PPP2R2C: variants seen among roughly 807,000 people sequenced by gnomAD.
PPP2R2C encodes protein phosphatase 2 regulatory subunit Bgamma, also known as protein phosphatase 2, regulatory subunit B, gamma.
A neutral mutation model predicts 45.3 loss-of-function variants in PPP2R2C; 10 were observed. That is an observed-to-expected ratio of 0.22 (90% CI 0.14 to 0.37). The LOEUF is 0.37. Ranked by LOEUF, PPP2R2C falls within the 10% of genes least tolerant of loss-of-function variation. The pLI, the probability that PPP2R2C is intolerant of heterozygous loss-of-function variation, is 1.00. For missense variants in PPP2R2C, 308 were observed against 619.7 expected (o/e 0.50, Z 5.34); for synonymous variants, 257 against 245.4 (o/e 1.05, Z -0.44).
intron 1 of PPP2R2C, among the ~76,000 whole-genome samples, chr4:6,464,839 C>T (rs1359772699): frequency 7.0e-6 from 1 of 142,128 alleles, no homozygotes; most frequent in Non-Finnish European, 1.5e-5. Flanking sequence ...AAATGGTGTT[C>T]ATTCCTGCAG....
chr4:6,458,604 T>C (rs900816986), intron 1 of PPP2R2C, among the ~76,000 whole-genome samples: 8 of 152,164 alleles, frequency 5.3e-5, no homozygotes, highest in Admixed American at 3.3e-4. Context: ...ATTCAGATCA[T>C]AGCAGGAAGG....
chr4:6,446,951 G>T (rs890467149), intron 1 of PPP2R2C, among the ~76,000 whole-genome samples: 2 of 152,066 alleles, frequency 1.3e-5, no homozygotes, highest in African/African-American at 4.8e-5. Flanking sequence ...AGAGGCGAAG[G>T]GGTGCTGGGC....
chr4:6,477,869 C>T (rs1449398811), intron 2 of PPP2R2C, among the ~76,000 whole-genome samples: 5 of 152,070 alleles, frequency 3.3e-5, no homozygotes, highest in Non-Finnish European at 7.4e-5. Flanking sequence ...TGCACTCACA[C>T]AGAGCTCTCC....
chr4:6,430,924 CAAA>C, intron 1 of PPP2R2C, among the ~76,000 whole-genome samples: 2 of 102,566 alleles, frequency 1.9e-5, no homozygotes, highest in African/African-American at 7.7e-5. Context: ...GACTCTGTCT[CAAA>C]AAAACAACAA....
At chr4:6,342,078 C>T (rs574431535) in intron 6 of PPP2R2C, among the ~76,000 whole-genome samples, 165 of 115,182 alleles carry the variant, frequency 1.4e-3, no homozygotes, top group Non-Finnish European at 2.3e-3. Flanking sequence ...AGATCTGCCA[C>T]GATACACACA....
At chr4:6,403,731 T>C (rs1427900756) in intron 1 of PPP2R2C, among the ~76,000 whole-genome samples, 4 of 151,968 alleles carry the variant, frequency 2.6e-5, no homozygotes, top group Non-Finnish European at 1.5e-5. Context: ...GGCGTGGTGG[T>C]GGGTGCCTGT....
chr4:6,455,046 A>T (rs570716851), intron 1 of PPP2R2C, among the ~76,000 whole-genome samples: 1 of 94,894 alleles, frequency 1.1e-5, no homozygotes, highest in Non-Finnish European at 2.0e-5. Context: ...ACACAGCACA[A>T]GTCACCTAGT....
chr4:6,506,800 G>A (rs957871027), intron 2 of PPP2R2C, among the ~76,000 whole-genome samples: 3 of 152,202 alleles, frequency 2.0e-5, no homozygotes, highest in Non-Finnish European at 2.9e-5. Context: ...AACTGGGCTG[G>A]ATGTCCAAGA....
chr4:6,342,081 TACACACACACAC>T (rs58305750), intron 6 of PPP2R2C, among the ~76,000 whole-genome samples: 3,855 of 139,704 alleles, frequency 0.028, 116 homozygotes, highest in African/African-American at 0.078. Context: ...TCTGCCACGA[TACACACACACAC>T]ACACACACAC....
chr4:6,370,383 C>T (rs1714705106), intron 5 of PPP2R2C, among the ~76,000 whole-genome samples: 1 of 152,194 alleles, frequency 6.6e-6, no homozygotes, highest in South Asian at 2.1e-4. Flanking sequence ...CTCAGTGAGC[C>T]CCACACCCTC....
intron 1 of PPP2R2C, among the ~76,000 whole-genome samples, chr4:6,447,654 C>T (rs1577190040): frequency 6.6e-6 from 1 of 152,028 alleles, no homozygotes; most frequent in South Asian, 2.1e-4. Context: ...AAACTGGCAA[C>T]CACATCTGTA....
chr4:6,561,023 T>A (rs1356416340), intron 1 of PPP2R2C, among the ~76,000 whole-genome samples: 1 of 152,204 alleles, frequency 6.6e-6, no homozygotes, highest in Admixed American at 6.5e-5. Context: ...CCCCAGTGCA[T>A]CCTGGGGTGG....
At chr4:6,357,717 T>C (rs1039940850) in intron 5 of PPP2R2C, among the ~76,000 whole-genome samples, 2 of 152,166 alleles carry the variant, frequency 1.3e-5, no homozygotes, top group South Asian at 4.1e-4. Context: ...AAGGAGCTCC[T>C]CACCCTGGTG....
At position 6,439,409 on chromosome 4, in the gene PPP2R2C, G is replaced by A. The variant is rs112165459; in HGVS notation, c.70+32751C>T. Among the ~76,000 whole-genome samples the A allele has an allele frequency of 6.0e-3, 909 of 152,232 alleles. 11 individuals are homozygous for A. The highest frequency in any genetic ancestry group is 0.02 in the African/African-American group (842 of 41,534). ...GTTTCTAATGCTCTAAATGAGACAC[G>A]GATTAAAAGGAAAACTAGAAATCTA... On this transcript the variant is annotated intron_variant, in intron 1 of 8. Coordinates refer to ENST00000382599, the MANE Select transcript of PPP2R2C (RefSeq NM_020416.4).
At chr4:6,501,269 C>A (rs1410516048) in intron 2 of PPP2R2C, among the ~76,000 whole-genome samples, 1 of 152,124 alleles carries the variant, frequency 6.6e-6, no homozygotes, top group Non-Finnish European at 1.5e-5. Flanking sequence ...ACCCATCAGG[C>A]CTGGGAACCA....
chr4:6,362,155 G>A (rs149140554), intron 5 of PPP2R2C, among the ~76,000 whole-genome samples: 78 of 152,188 alleles, frequency 5.1e-4, no homozygotes, highest in African/African-American at 1.4e-3. Context: ...AGGATGCGGC[G>A]CCAGCAGAAC....
rs564834186 is a variant in PPP2R2C, at chr4:6,435,673, G to T, written c.70+36487C>A. ...GTCCAAAAGAGTAATCTAGTTCTTA[G>T]AAAACAGGCTTGTGAGTGAGAGTCA... On this transcript the variant is annotated intron_variant, in intron 1 of 8. Coordinates refer to ENST00000382599, the MANE Select transcript of PPP2R2C (RefSeq NM_020416.4). Among the ~76,000 whole-genome samples the T allele has an allele frequency of 2.0e-5, 3 of 152,216 alleles. No homozygotes were observed. In the East Asian group the frequency reaches 5.8e-4, roughly 29 times the overall value.
rs150902351 is a variant in PPP2R2C at position 6,524,277 on chromosome 4, G to A, written c.49+10994C>T. On this transcript the variant is annotated intron_variant, in intron 2 of 9. Coordinates refer to the PPP2R2C transcript ENST00000506140. The stretch of plus-strand genomic sequence containing the variant: ...TCCTGGATGAGCCTTGAAAACACTC[G>A]GCCAAATGAAAGAAGCTGAATGTAA... Among the ~76,000 whole-genome samples the A allele has an allele frequency of 3.7e-3, 570 of 152,154 alleles. 5 individuals carry two copies. Among genetic ancestry groups the A allele is most frequent in the Middle Eastern group, 0.01 (3 of 294 alleles).
chr4:6,327,187 T>G (rs1299562469), intron 8 of PPP2R2C, among the ~76,000 whole-genome samples: 2 of 152,122 alleles, frequency 1.3e-5, no homozygotes, highest in Non-Finnish European at 2.9e-5. Context: ...GGTTGAGTCA[T>G]AGTAGCCCCC....
Sources: gnomAD v4.1 joint callset for allele counts (sites outside exome capture counted in the v4.1 genomes callset) on GRCh38, gnomAD v4.1.1 for gene constraint, MANE v1.5 for transcripts, NCBI Gene and HGNC (gene_info 2026-07-23, HGNC 2026-07-21) for gene names.